ABCA1: variants seen among roughly 807,000 people sequenced by gnomAD.
ABCA1 encodes phospholipid-transporting ATPase ABCA1.
In ABCA1, 133 loss-of-function variants were observed where a neutral mutation model predicts 262.5. The ratio of observed to expected loss-of-function variants is 0.51; its 90% CI spans 0.44 to 0.59. The LOEUF (loss-of-function observed/expected upper bound fraction) is 0.59, where lower values mean the gene tolerates loss of function less well. Among genes scored for constraint, ABCA1 ranks in the 20% least tolerant of loss-of-function variants. The pLI is 0.00. For synonymous variants in ABCA1, 1,022 were observed against 1,043.5 expected, an observed-to-expected ratio of 0.98 and a Z score of 0.40; for missense variants, 2,452 against 2,777.5, an observed-to-expected ratio of 0.88 and a Z score of 2.63.
intron 6 of ABCA1, among the ~76,000 whole-genome samples, chr9:104,860,725 ACTAATATTATTTC>A (rs1836294359): frequency 6.7e-6 from 1 of 150,072 alleles, no homozygotes; most frequent in Admixed American, 6.6e-5. Flanking sequence ...CAACATAAAC[ACTAATATTATTTC>A]CTGATTTTAT....
intron 8 of ABCA1, among the ~76,000 whole-genome samples, chr9:104,842,428 C>G (rs1828763514): frequency 6.6e-6 from 1 of 151,926 alleles, no homozygotes; most frequent in African/African-American, 2.4e-5. Flanking sequence ...CCACCACTCC[C>G]CAATCAAAAA....
rs1339312416 is a variant in ABCA1, at chr9:104,793,227, C to T, written c.5580G>A (p.Gly1860=). The T allele has an allele frequency of 1.2e-6, 2 of 1,614,004 alleles. No individual in the cohort carries two copies. Among genetic ancestry groups the T allele is most frequent in the Admixed American group, 1.7e-5 (1 of 59,990 alleles). Residue 1860 remains glycine (G), a synonymous_variant, in exon 41 of 50, where the codon GGG becomes GGA. Transcript: ENST00000374736. ...GRNLFAMAVE[G]VVFFLITVLI... ...GAACAGTAATGAGGAAGAACACCAC[C>T]CCTTCCACGGCCATGGCGAAGAGGT...
chr9:104,889,053 G>T, intron 3 of ABCA1, 49 bp downstream of exon 3: 2 of 1,539,568 alleles, frequency 1.3e-6, no homozygotes, highest in South Asian at 1.1e-5. Flanking sequence ...TAATTGCCTG[G>T]ATTTTCCCTG....
intron 5 of ABCA1, among the ~76,000 whole-genome samples, chr9:104,865,195 AC>A (rs1232979636): frequency 2.6e-5 from 4 of 152,312 alleles, no homozygotes; most frequent in Admixed American, 1.3e-4. Flanking sequence ...TGGGGGCTTC[AC>A]AAAAATCCCA....
rs370141603 is a variant in ABCA1, at chr9:104,822,152, C to A, written c.2828+344G>T. On this transcript the variant is annotated intron_variant, in intron 19 of 49. Coordinates refer to ENST00000374736, the MANE Select transcript of ABCA1 (RefSeq NM_005502.4). ...GCTTGATTGCGTCTCACAGGTGCTT[C>A]TCACATCTGCTTAGAGACAGAGTTC... 7.4e-4 allele frequency among the ~76,000 whole-genome samples: 112 copies of A among 152,296 alleles called. 1 individual carries two copies. Among genetic ancestry groups the A allele is most frequent in the African/African-American group, 2.6e-3 (106 of 41,566 alleles).
intron 29 of ABCA1, among the ~76,000 whole-genome samples, chr9:104,809,850 T>C (rs1831114896): frequency 6.6e-6 from 1 of 152,090 alleles, no homozygotes; most frequent in Non-Finnish European, 1.5e-5. Context: ...TACATTTATA[T>C]ATTTTTTTTA....
chr9:104,852,717 C>T (rs1367086966), intron 7 of ABCA1, among the ~76,000 whole-genome samples: 1 of 152,130 alleles, frequency 6.6e-6, no homozygotes, highest in Non-Finnish European at 1.5e-5. Flanking sequence ...CATTACCAAC[C>T]CATGGGGATT....
At chr9:104,791,901 T>C (rs375217688) in intron 43 of ABCA1, 35 bp downstream of exon 43, 9 of 1,603,780 alleles carry the variant, frequency 5.6e-6, no homozygotes, top group Admixed American at 5.0e-5. Flanking sequence ...TCTGAACTAA[T>C]AGGGACAAAC....
Position 104,783,447 on chromosome 9 carries a change from A to C in ABCA1, c.*868T>G, listed in dbSNP as rs866428233. On this transcript the variant is annotated 3_prime_UTR_variant, in exon 50 of 50. Transcript: ENST00000374736. ...AGGCTTCCCTAGGTTTGAACGCACA[A>C]TCTCTTTAATCCCATGCCCTGGCTT... is the stretch of plus-strand genomic sequence containing the variant. The C allele has an allele frequency of 6.6e-6, 1 of 152,222 alleles. No homozygotes were observed. Among genetic ancestry groups the C allele is most frequent in the Non-Finnish European group, 1.5e-5 (1 of 68,058 alleles). The allele number at this position is 152,222 out of a possible 1,614,324, so 9.4% of individuals were successfully genotyped here.
intron 7 of ABCA1, among the ~76,000 whole-genome samples, chr9:104,845,899 G>A (rs530865876): frequency 1.8e-4 from 27 of 152,282 alleles, no homozygotes; most frequent in Non-Finnish European, 2.5e-4. Context: ...ATCTGTCTGC[G>A]TCTGCAAGAT....
intron 7 of ABCA1, among the ~76,000 whole-genome samples, chr9:104,847,430 T>C (rs1834992456): frequency 6.6e-6 from 1 of 152,234 alleles, no homozygotes; most frequent in Admixed American, 6.5e-5. Context: ...GCACAGTGCC[T>C]GGCACATGGT....
intron 8 of ABCA1, 37 bp downstream of exon 8, chr9:104,845,440 A>G (rs778779029): frequency 1.0e-5 from 15 of 1,448,936 alleles, no homozygotes; most frequent in Middle Eastern, 1.7e-4. Flanking sequence ...GATACAGTGG[A>G]TGATCCGCTT....
In ABCA1 at chr9:104,784,089, C is replaced by A; in HGVS notation, c.*226G>T. 1 of 537,180 alleles carries A rather than the reference C, an allele frequency of 1.9e-6. No homozygotes were observed. The highest frequency in any genetic ancestry group is 3.3e-6 in the Non-Finnish European group (1 of 303,494). The allele number at this position is 537,180 out of a possible 1,614,324, so 33.3% of individuals were successfully genotyped here. A position where few individuals can be genotyped will look rare whatever the true frequency, so the allele number is the denominator to read the frequency against. ...TATAGGTAAAAAACTAAATTCAAGT[C>A]TTTCACTTGAGAGCCATACAAGACA... is the stretch of plus-strand genomic sequence containing the variant. On this transcript the variant is annotated 3_prime_UTR_variant, in exon 50 of 50. Coordinates refer to ENST00000374736, the MANE Select transcript of ABCA1 (RefSeq NM_005502.4).
At chr9:104,838,856 A>G (rs1322938315) in intron 9 of ABCA1, among the ~76,000 whole-genome samples, 1 of 151,694 alleles carries the variant, frequency 6.6e-6, no homozygotes, top group East Asian at 1.9e-4. Context: ...TAAGTCTGTC[A>G]TGGAAATGAA....
chr9:104,843,808 T>G (rs879331278), intron 8 of ABCA1, among the ~76,000 whole-genome samples: 1 of 152,192 alleles, frequency 6.6e-6, no homozygotes, highest in South Asian at 2.1e-4. Context: ...CTCCCATTTA[T>G]CTCACAGAAA....
chr9:104,787,737 C>T, intron 46 of ABCA1, 183 bp downstream of exon 46: 1 of 720,750 alleles, frequency 1.4e-6, no homozygotes, highest in Non-Finnish European at 1.7e-6. Flanking sequence ...CATCTGCAGG[C>T]ATGGTACAGC....
At chr9:104,832,851 C>A (rs567447182) in intron 11 of ABCA1, 80 bp from the exon 12 acceptor site, 1 of 1,316,658 alleles carries the variant, frequency 7.6e-7, no homozygotes, top group Admixed American at 1.7e-5. Context: ...AAAATACTTG[C>A]ATATACACTG....
At chr9:104,907,361 G>C (rs1841220369) in intron 1 of ABCA1, among the ~76,000 whole-genome samples, 1 of 152,020 alleles carries the variant, frequency 6.6e-6, no homozygotes, top group South Asian at 2.1e-4. Context: ...GTGCTCCCTA[G>C]GAAGACTTGG....
At chr9:104,917,483 G>A (rs949032425) in intron 1 of ABCA1, among the ~76,000 whole-genome samples, 6 of 152,098 alleles carry the variant, frequency 3.9e-5, no homozygotes, top group Non-Finnish European at 7.4e-5. Flanking sequence ...GGCCGGGTGC[G>A]GCGGCTCACA....
Sources: gnomAD v4.1 joint callset for allele counts (sites outside exome capture counted in the v4.1 genomes callset) on GRCh38, gnomAD v4.1.1 for gene constraint, MANE v1.5 for transcripts, NCBI Gene and HGNC (gene_info 2026-07-23, HGNC 2026-07-21) for gene names.